The following RIMS2 variants were observed in gnomAD, a reference collection of about 807,000 sequenced individuals.
RIMS2 encodes the protein regulating synaptic membrane exocytosis 2, also known as regulating synaptic membrane exocytosis protein 2.
RIMS2 carries 59 observed loss-of-function variants against 174.4 expected under a neutral mutation model. The ratio of observed to expected loss-of-function variants is 0.34; its 90% CI spans 0.27 to 0.42. The LOEUF is 0.42. Among genes scored for constraint, RIMS2 ranks in the 10% least tolerant of loss-of-function variants. The pLI is 1.00. For synonymous variants in RIMS2, 606 were observed against 572.5 expected (o/e 1.06, Z -0.84); for missense variants, 1,620 against 1,666.3 (o/e 0.97, Z 0.48).
At chr8:103,653,519 T>C (rs967512626) in intron 1 of RIMS2, among the ~76,000 whole-genome samples, 1 of 152,178 alleles carries the variant, frequency 6.6e-6, no homozygotes, top group Non-Finnish European at 1.5e-5. Flanking sequence ...TTTTGAATTA[T>C]GACTTTGGAG....
chr8:104,212,072 A>G (rs1324594323), intron 19 of RIMS2, among the ~76,000 whole-genome samples: 1 of 152,168 alleles, frequency 6.6e-6, no homozygotes, highest in East Asian at 1.9e-4. Context: ...GAGAGGGAAA[A>G]TAAGAAAAGA....
intron 19 of RIMS2, among the ~76,000 whole-genome samples, chr8:104,111,365 C>T (rs2098179560): frequency 6.6e-6 from 1 of 152,132 alleles, no homozygotes; most frequent in African/African-American, 2.4e-5. Flanking sequence ...AGTTAAGCCA[C>T]AGTATAAAGA....
intron 19 of RIMS2, among the ~76,000 whole-genome samples, chr8:104,152,948 A>G (rs1177997366): frequency 2.0e-5 from 3 of 152,160 alleles, no homozygotes; most frequent in Non-Finnish European, 2.9e-5. Context: ...TTGTACCACC[A>G]TGGATTTCAA....
chr8:103,773,126 A>G (rs2098271881), intron 3 of RIMS2, among the ~76,000 whole-genome samples: 1 of 152,004 alleles, frequency 6.6e-6, no homozygotes, highest in Non-Finnish European at 1.5e-5. Flanking sequence ...CACAGAAAGC[A>G]CTAATTCTAT....
intron 19 of RIMS2, among the ~76,000 whole-genome samples, chr8:104,184,539 CATA>C (rs2098958203): frequency 6.6e-6 from 1 of 151,450 alleles, no homozygotes; most frequent in South Asian, 2.1e-4. Context: ...CTTGATTCGC[CATA>C]ATATCCTTTC....
At chr8:104,078,492 AG>A (rs1458111053) in intron 19 of RIMS2, among the ~76,000 whole-genome samples, 4 of 152,104 alleles carry the variant, frequency 2.6e-5, no homozygotes, top group African/African-American at 9.7e-5. Context: ...TCTTCTTATA[AG>A]GACACCAATC....
downstream of RIMS2, chr8:104,252,763 A>G (rs1427823256): frequency 2.6e-5 from 4 of 152,176 alleles, no homozygotes; most frequent in Admixed American, 2.0e-4. Context: ...AATATATTCA[A>G]TTTATTTCCA....
chr8:104,180,789 A>C (rs1294555235), intron 19 of RIMS2, among the ~76,000 whole-genome samples: 1 of 151,722 alleles, frequency 6.6e-6, no homozygotes, highest in Non-Finnish European at 1.5e-5. Context: ...AGGAATAAGA[A>C]GTAAATTTTT....
At chr8:103,552,692 C>A (rs1443454820) in intron 1 of RIMS2, among the ~76,000 whole-genome samples, 1 of 152,216 alleles carries the variant, frequency 6.6e-6, no homozygotes, top group East Asian at 1.9e-4. Flanking sequence ...TTACAATCTA[C>A]CCATATGACA....
At chr8:103,642,687 C>CT (rs1467324178) in intron 1 of RIMS2, among the ~76,000 whole-genome samples, 1 of 151,956 alleles carries the variant, frequency 6.6e-6, no homozygotes, top group East Asian at 1.9e-4. Context: ...GATAATTTGA[C>CT]TGAGTGTAGA....
intron 2 of RIMS2, among the ~76,000 whole-genome samples, chr8:103,718,552 A>G (rs1047304811): frequency 1.3e-5 from 2 of 152,084 alleles, no homozygotes; most frequent in Non-Finnish European, 2.9e-5. Flanking sequence ...CTTTGGGATT[A>G]CCTCCTTTAT....
intron 3 of RIMS2, among the ~76,000 whole-genome samples, chr8:103,804,024 G>A (rs1360177294): frequency 6.6e-6 from 1 of 152,052 alleles, no homozygotes. Flanking sequence ...GAAACTGCAA[G>A]AAAATAAATA....
intron 4 of RIMS2, among the ~76,000 whole-genome samples, chr8:103,897,139 T>G (rs1048715814): frequency 6.6e-6 from 1 of 151,788 alleles, no homozygotes; most frequent in African/African-American, 2.4e-5. Context: ...TTGTGAATTT[T>G]TTTCCCTTGT....
chr8:104,250,407 A>T (rs1364475497), intron 22 of RIMS2, among the ~76,000 whole-genome samples: 1 of 152,176 alleles, frequency 6.6e-6, no homozygotes. Flanking sequence ...GGCACTGGTG[A>T]TTAAGACAGT....
intron 3 of RIMS2, among the ~76,000 whole-genome samples, chr8:103,813,483 A>T (rs1434100681): frequency 6.6e-6 from 1 of 151,404 alleles, no homozygotes; most frequent in Non-Finnish European, 1.5e-5. Context: ...TACATGTGCC[A>T]TGTTGGTGTG....
chr8:103,558,024 A>G (rs2090828262), intron 1 of RIMS2, among the ~76,000 whole-genome samples: 1 of 152,190 alleles, frequency 6.6e-6, no homozygotes, highest in Non-Finnish European at 1.5e-5. Flanking sequence ...CTGTGATCTT[A>G]AAGTTTTCAA....
exon 18 of RIMS2, chr8:104,013,473 C>G: frequency 1.2e-6 from 2 of 1,613,824 alleles, no homozygotes; most frequent in African/African-American, 1.3e-5. Flanking sequence ...ACAGCCATAT[C>G]ACAGATCCAG....
At chr8:104,058,477 C>CTGGATATT (rs2096915311) in intron 19 of RIMS2, among the ~76,000 whole-genome samples, 1 of 151,064 alleles carries the variant, frequency 6.6e-6, no homozygotes, top group Non-Finnish European at 1.5e-5. Flanking sequence ...TAGCCTTTGT[C>CTGGATATT]AGATGAGTAG....
intron 19 of RIMS2, among the ~76,000 whole-genome samples, chr8:104,204,967 G>A (rs1478108440): frequency 2.6e-5 from 4 of 152,114 alleles, no homozygotes; most frequent in Non-Finnish European, 5.9e-5. Context: ...AATACTTTAG[G>A]AGCAGAAGTC....
Sources: allele counts gnomAD v4.1 joint callset (sites outside exome capture counted in the v4.1 genomes callset), GRCh38; gene constraint gnomAD v4.1.1; transcripts MANE v1.5; gene names NCBI Gene and HGNC (gene_info 2026-07-23, HGNC 2026-07-21).